The following AHI1 variants were observed in gnomAD, a reference collection of about 807,000 sequenced individuals.
The protein encoded by AHI1 is jouberin.
A neutral mutation model predicts 149.3 loss-of-function variants in AHI1; 123 were observed. The ratio of observed to expected loss-of-function variants is 0.82; its 90% CI spans 0.71 to 0.96. The LOEUF is 0.96. Ranked by LOEUF, AHI1 falls within the 40% of genes least tolerant of loss-of-function variation. The pLI, the probability that AHI1 is intolerant of heterozygous loss-of-function variation, is 0.00. For synonymous variants in AHI1, 475 were observed against 459.8 expected, an observed-to-expected ratio of 1.03 and a Z score of -0.42; for missense variants, 1,439 against 1,422.7, an observed-to-expected ratio of 1.01 and a Z score of -0.18.
Position 135,318,150 on chromosome 6 carries a change from C to T in AHI1, c.3426+369G>A, listed in dbSNP as rs139233940. 3.5e-3 allele frequency among the ~76,000 whole-genome samples: 533 copies of T among 152,340 alleles called. 4 individuals carry two copies. The highest frequency in any genetic ancestry group is 0.012 in the African/African-American group (499 of 41,578). On this transcript the variant is annotated intron_variant, in intron 26 of 28. Transcript: ENST00000265602. Reference sequence around the variant, plus strand: ...AGACAGAACTTCTTAATTTTGTGAACTCCAGTGAGCTCTAGCATAAATGTT... The same window carrying T: ...AGACAGAACTTCTTAATTTTGTGAATTCCAGTGAGCTCTAGCATAAATGTT...
chr6:135,477,257 G>C (rs1792823464), intron 5 of AHI1, among the ~76,000 whole-genome samples: 2 of 151,974 alleles, frequency 1.3e-5, no homozygotes, highest in Non-Finnish European at 1.5e-5. Context: ...AGCCAGGATG[G>C]TCTCTATCTC....
intron 5 of AHI1, among the ~76,000 whole-genome samples, chr6:135,482,907 T>TTTTTTTTTTTTTTTC (rs1474370564): frequency 7.2e-6 from 1 of 138,142 alleles, no homozygotes; most frequent in African/African-American, 2.7e-5. Context: ...TTTTTTTTTT[T>TTTTTTTTTTTTTTTC]TTGAGACAGA....
At chr6:135,444,076 A>T (rs1245916273) in intron 13 of AHI1, among the ~76,000 whole-genome samples, 1 of 152,158 alleles carries the variant, frequency 6.6e-6, no homozygotes, top group African/African-American at 2.4e-5. Flanking sequence ...GTCTGATAAC[A>T]ACAATAAAGG....
chr6:135,455,216 C>T (rs1788736289), intron 10 of AHI1, among the ~76,000 whole-genome samples: 1 of 152,106 alleles, frequency 6.6e-6, no homozygotes, highest in South Asian at 2.1e-4. Flanking sequence ...AACTAGTCAG[C>T]TCAAAAGCCA....
intron 23 of AHI1, among the ~76,000 whole-genome samples, chr6:135,370,761 G>A (rs568864841): frequency 1.3e-5 from 2 of 152,202 alleles, no homozygotes; most frequent in South Asian, 4.1e-4. Context: ...ATATTAATTA[G>A]AAGCAAAACT....
intron 24 of AHI1, among the ~76,000 whole-genome samples, chr6:135,342,964 C>A (rs1011313217): frequency 6.0e-5 from 9 of 150,938 alleles, no homozygotes; most frequent in Admixed American, 5.9e-4. Context: ...AAAAGGCACC[C>A]GGATCGGAAA....
At chr6:135,355,829 A>G (rs1364555787) in intron 24 of AHI1, among the ~76,000 whole-genome samples, 10 of 152,186 alleles carry the variant, frequency 6.6e-5, no homozygotes, top group African/African-American at 2.2e-4. Context: ...AACCCGGGAG[A>G]CGGACATTGC....
At chr6:135,351,005 A>G (rs1792006933) in intron 24 of AHI1, among the ~76,000 whole-genome samples, 1 of 152,194 alleles carries the variant, frequency 6.6e-6, no homozygotes, top group Non-Finnish European at 1.5e-5. Context: ...TAAGGTGATC[A>G]TATATTTAGG....
At chr6:135,358,659 CTATT>C (rs369140202) in intron 23 of AHI1, among the ~76,000 whole-genome samples, 6 of 152,218 alleles carry the variant, frequency 3.9e-5, no homozygotes, top group Non-Finnish European at 8.8e-5. Flanking sequence ...ATGACATACT[CTATT>C]TATTCAATCA....
chr6:135,317,096 C>T (rs769627081), intron 26 of AHI1, among the ~76,000 whole-genome samples: 1 of 152,102 alleles, frequency 6.6e-6, no homozygotes. Context: ...TGACCTCCAT[C>T]CCCCCTAGTT....
chr6:135,302,171 C>G (rs370570151), intron 26 of AHI1: 1 of 985,140 alleles, frequency 1.0e-6, no homozygotes. Flanking sequence ...TTTACAAGGT[C>G]TCAGTATCAT....
intron 23 of AHI1, among the ~76,000 whole-genome samples, chr6:135,383,599 A>T (rs566964132): frequency 2.0e-5 from 3 of 152,176 alleles, no homozygotes; most frequent in South Asian, 4.2e-4. Flanking sequence ...CCAGAATGGA[A>T]TACTCATTTT....
intron 24 of AHI1, among the ~76,000 whole-genome samples, chr6:135,352,611 A>G (rs537563463): frequency 2.6e-5 from 4 of 151,686 alleles, no homozygotes; most frequent in South Asian, 4.2e-4. Flanking sequence ...ATTGCTCTGA[A>G]TTTTTTATTC....
chr6:135,451,653 A>T (rs1012897305), intron 11 of AHI1, among the ~76,000 whole-genome samples: 1 of 152,208 alleles, frequency 6.6e-6, no homozygotes, highest in East Asian at 1.9e-4. Flanking sequence ...TGCCAATGGC[A>T]TAAGATGAAT....
At chr6:135,321,891 T>G (rs1311929889) in intron 25 of AHI1, among the ~76,000 whole-genome samples, 1 of 152,186 alleles carries the variant, frequency 6.6e-6, no homozygotes, top group Non-Finnish European at 1.5e-5. Flanking sequence ...AACCTCTGCC[T>G]CCCGGGTTCA....
At chr6:135,432,927 G>A (rs772925461) in intron 16 of AHI1, 100 bp downstream of exon 16, 15 of 807,818 alleles carry the variant, frequency 1.9e-5, no homozygotes, top group East Asian at 5.0e-5. Flanking sequence ...CTAAATATGC[G>A]CAATCATCAG....
chr6:135,490,871 A>T (rs1795162367), intron 4 of AHI1, 124 bp from the exon 5 acceptor site: 2 of 1,145,658 alleles, frequency 1.7e-6, no homozygotes, highest in Non-Finnish European at 2.4e-6. Context: ...TACATTAGAA[A>T]AACTCACCTA....
At chr6:135,438,627 GCA>G (rs1365027221) in intron 14 of AHI1, 129 bp from the exon 15 acceptor site, 8 of 711,936 alleles carry the variant, frequency 1.1e-5, no homozygotes, top group East Asian at 3.8e-5. Context: ...GACATTTGCA[GCA>G]CAGAGAAAAT....
chr6:135,434,206 A>C (rs1306868877), intron 15 of AHI1, among the ~76,000 whole-genome samples: 4 of 152,122 alleles, frequency 2.6e-5, no homozygotes, highest in East Asian at 3.9e-4. Context: ...AGAAAAAAAA[A>C]CAGTTTCTAT....
Sources: gnomAD v4.1 joint callset for allele counts (sites outside exome capture counted in the v4.1 genomes callset) on GRCh38, gnomAD v4.1.1 for gene constraint, MANE v1.5 for transcripts, NCBI Gene and HGNC (gene_info 2026-07-23, HGNC 2026-07-21) for gene names.